Variants in UBR1 observed in about 807,000 individuals in gnomAD.
The protein encoded by UBR1 is ubiquitin protein ligase E3 component n-recognin 1, also known as E3 ubiquitin-protein ligase UBR1.
A neutral mutation model predicts 242.1 loss-of-function variants in UBR1; 102 were observed. That is an observed-to-expected ratio of 0.42 (90% CI 0.36 to 0.50). UBR1 has a LOEUF of 0.50. Among genes scored for constraint, UBR1 ranks in the 20% least tolerant of loss-of-function variants. The probability of loss-of-function intolerance (pLI) is 0.01; values close to 1 mark genes in which losing one functional copy is unlikely to be tolerated. For synonymous variants in UBR1, 675 were observed against 684.8 expected (o/e 0.99, Z 0.22); for missense variants, 1,772 against 2,101.8 (o/e 0.84, Z 3.07).
chr15:43,085,294 G>A (rs771209116), intron 2 of UBR1, among the ~76,000 whole-genome samples: 114 of 152,184 alleles, frequency 7.5e-4, no homozygotes, highest in African/African-American at 2.2e-3. Context: ...ACAGTGTCCC[G>A]CCCTGACTCT....
At chr15:43,090,929 T>C (rs2034098391) in intron 1 of UBR1, among the ~76,000 whole-genome samples, 1 of 152,088 alleles carries the variant, frequency 6.6e-6, no homozygotes, top group East Asian at 1.9e-4. Context: ...GTTTTTATTT[T>C]ATTTATTTAT....
chr15:43,065,572 T>A (rs1011289412), intron 6 of UBR1, among the ~76,000 whole-genome samples: 1 of 152,224 alleles, frequency 6.6e-6, no homozygotes, highest in African/African-American at 2.4e-5. Flanking sequence ...TGTGTTCTCA[T>A]CATTCAGCTC....
intron 6 of UBR1, among the ~76,000 whole-genome samples, chr15:43,060,721 T>C (rs751972022): frequency 2.0e-5 from 3 of 152,102 alleles, no homozygotes; most frequent in Non-Finnish European, 2.9e-5. Flanking sequence ...ATACCACATT[T>C]TACAGATGAT....
At chr15:43,067,587 TAC>T (rs1393241747) in intron 6 of UBR1, among the ~76,000 whole-genome samples, 5 of 152,234 alleles carry the variant, frequency 3.3e-5, no homozygotes, top group African/African-American at 9.6e-5. Flanking sequence ...TCATAATTCA[TAC>T]ACTTATTCAT....
intron 19 of UBR1, among the ~76,000 whole-genome samples, chr15:43,033,487 T>C (rs951970683): frequency 2.0e-5 from 3 of 151,638 alleles, no homozygotes; most frequent in Non-Finnish European, 4.4e-5. Context: ...CTACTAAAAA[T>C]ACAAAAATTA....
intron 14 of UBR1, among the ~76,000 whole-genome samples, chr15:43,046,537 TAGAA>T (rs1404965466): frequency 4.6e-5 from 7 of 152,058 alleles, no homozygotes; most frequent in Non-Finnish European, 2.9e-5. Context: ...TCATTAGACT[TAGAA>T]AGAGACAAAA....
At chr15:42,987,787 C>T (rs1263038977) in intron 35 of UBR1, among the ~76,000 whole-genome samples, 1 of 143,396 alleles carries the variant, frequency 7.0e-6, no homozygotes, top group Non-Finnish European at 1.5e-5. Flanking sequence ...TGTCTTGTTA[C>T]AAAAATACAT....
chr15:43,033,874 C>A (rs1348016796), intron 19 of UBR1, among the ~76,000 whole-genome samples: 1 of 152,064 alleles, frequency 6.6e-6, no homozygotes, highest in African/African-American at 2.4e-5. Context: ...GAGGCCAGGG[C>A]AGGCAGATCA....
At chr15:42,968,086 C>G (rs1355794399) in intron 40 of UBR1, among the ~76,000 whole-genome samples, 1 of 152,062 alleles carries the variant, frequency 6.6e-6, no homozygotes, top group African/African-American at 2.4e-5. Context: ...TAACTACATG[C>G]ATGCACTGAG....
In UBR1 at chr15:43,024,832, T is replaced by G; in HGVS notation, c.2736A>C (p.Gln912His). ...AAAATATTTCAGGTAAACAAACCAT[T>G]TGGAGCATCCCTTCGGTCCACAAGT... The part of the protein sequence containing the change: ...DSNLWTEGML[Q>H]MAFHILALGL... The change falls in exon 25 of 47, where the codon CAA becomes CAC. Residue 912 changes from glutamine (Q) to histidine (H), a missense_variant. Physicochemically the swap from Gln to His is conservative, Grantham distance 24. This residue lies in a region of UBR1 where 965 missense variants were observed against 1,079.7 expected (regional missense o/e 0.89). Coordinates refer to ENST00000290650, the MANE Select transcript of UBR1 (RefSeq NM_174916.3). 6.2e-7 allele frequency: 1 copy of G among 1,614,080 alleles called. No individual in the cohort carries two copies. The highest frequency in any genetic ancestry group is 8.5e-7 in the Non-Finnish European group (1 of 1,179,986).
intron 45 of UBR1, among the ~76,000 whole-genome samples, chr15:42,952,023 G>A (rs1448939319): frequency 1.3e-5 from 2 of 152,098 alleles, no homozygotes; most frequent in Non-Finnish European, 2.9e-5. Flanking sequence ...TTACACCTGA[G>A]TATTATATAA....
At chr15:42,997,463 C>T (rs1210547364) in intron 33 of UBR1, among the ~76,000 whole-genome samples, 2 of 152,198 alleles carry the variant, frequency 1.3e-5, no homozygotes, top group African/African-American at 4.8e-5. Flanking sequence ...TCCATAAAAC[C>T]GGTCCTTGGT....
chr15:42,945,366 T>C lies in UBR1; in HGVS notation c.5213A>G (p.Asn1738Ser), dbSNP rs149137306. 6 of 1,614,072 alleles carry C rather than the reference T, an allele frequency of 3.7e-6. No homozygotes were observed. The African/African-American group carries it at 8.0e-5, about 22-fold the overall frequency. Residue 1738 changes from asparagine to serine, a missense_variant, in exon 47 of 47, where the codon AAT (asparagine) becomes AGT (serine). Asn to Ser is a conservative substitution (Grantham distance 46). This residue lies in a region of UBR1 where 965 missense variants were observed against 1,079.7 expected (regional missense o/e 0.89). Coordinates refer to ENST00000290650, the MANE Select transcript of UBR1 (RefSeq NM_174916.3). ...CCAGTTGAATCCAAATAACATCTGA[T>C]TAGTCTCTTGGCTCCTAGCAATCTC... ...IEEIARSQET[N>S]QMLFGFNWQL... is the part of the protein sequence containing the mutation.
chr15:43,005,232 G>A (rs1487299926), intron 30 of UBR1, among the ~76,000 whole-genome samples: 4 of 151,636 alleles, frequency 2.6e-5, no homozygotes, highest in African/African-American at 7.3e-5. Context: ...CAGCCGCCCG[G>A]TCCAGGAGGT....
At chr15:43,059,920 C>A in intron 7 of UBR1, 95 bp from the exon 8 acceptor site, 1 of 1,560,068 alleles carries the variant, frequency 6.4e-7, no homozygotes, top group Non-Finnish European at 8.8e-7. Context: ...CATAACCCTG[C>A]CAGTTCCAAA....
chr15:43,048,685 T>C (rs1213775429), intron 12 of UBR1, among the ~76,000 whole-genome samples, 194 bp from the exon 13 acceptor site: 2 of 152,210 alleles, frequency 1.3e-5, no homozygotes, highest in Non-Finnish European at 2.9e-5. Flanking sequence ...ATGAATGCTC[T>C]AGAAGAGGCA....
chr15:42,983,760 G>A (rs1262105934), intron 37 of UBR1, 137 bp downstream of exon 37: 3 of 394,492 alleles, frequency 7.6e-6, no homozygotes, highest in Non-Finnish European at 1.3e-5. Context: ...GCTTCTGTAG[G>A]TGGTAAAATT....
Position 42,990,125 on chromosome 15 carries a change from T to C in UBR1, c.3758-5A>G, listed in dbSNP as rs1439844255. On this transcript the variant is annotated splice_region_variant and splice_polypyrimidine_tract_variant and intron_variant, in intron 33 of 46. Transcript: ENST00000290650. ...AAATAGGAATTGGGTTTTCTCCTTATAAATTAAAAGGAAAAAGAAAGAAAA... is the reference window on the plus strand; with the variant it reads ...AAATAGGAATTGGGTTTTCTCCTTACAAATTAAAAGGAAAAAGAAAGAAAA... 5 of 1,571,380 alleles carry C rather than the reference T, an allele frequency of 3.2e-6. No homozygotes were observed. The highest frequency in any genetic ancestry group is 4.3e-6 in the Non-Finnish European group (5 of 1,151,298).
intron 3 of UBR1, among the ~76,000 whole-genome samples, chr15:43,078,641 G>A (rs1011451826): frequency 2.0e-5 from 3 of 152,138 alleles, no homozygotes; most frequent in African/African-American, 7.2e-5. Context: ...TGGTGATTAT[G>A]ACTTGAATCA....
Sources: allele counts gnomAD v4.1 joint callset (sites outside exome capture counted in the v4.1 genomes callset), GRCh38; gene constraint gnomAD v4.1.1; regional missense constraint gnomAD v4.1.1; transcripts MANE v1.5; gene names NCBI Gene and HGNC (gene_info 2026-07-23, HGNC 2026-07-21).